The following FOCAD variants were observed in gnomAD, a reference collection of about 807,000 sequenced individuals.
FOCAD encodes KIAA1797.
Under a neutral mutation model 225.6 loss-of-function variants are expected in FOCAD, and 198 were observed. The observed-to-expected ratio is 0.88, with a 90% CI of 0.78 to 0.99. The LOEUF is 0.99. FOCAD is among the 50% of genes least tolerant of loss of function. The probability of loss-of-function intolerance (pLI) is 0.00; values close to 1 mark genes in which losing one functional copy is unlikely to be tolerated. For synonymous variants in FOCAD, 897 were observed against 755.0 expected, an observed-to-expected ratio of 1.19 and a Z score of -3.08; for missense variants, 2,713 against 2,123.6, an observed-to-expected ratio of 1.28 and a Z score of -5.46.
intron 11 of FOCAD, among the ~76,000 whole-genome samples, chr9:20,793,012 T>C (rs1258161651): frequency 6.6e-6 from 1 of 152,178 alleles, no homozygotes; most frequent in Non-Finnish European, 1.5e-5. Flanking sequence ...CAAAGAGTCT[T>C]TGGACACTTT....
At chr9:20,866,888 CTTTTTTTTTTTTTTTT>C (rs10629839) in intron 17 of FOCAD, 25 bp from the exon 18 acceptor site, 123 of 342,048 alleles carry the variant, frequency 3.6e-4, no homozygotes, top group Admixed American at 1.6e-3. Context: ...TGTTTGCTTG[CTTTTTTTTTTTTTTTT>C]TTTTTTTTTT....
At chr9:20,882,855 C>A (rs894715504) in intron 20 of FOCAD, among the ~76,000 whole-genome samples, 4 of 152,078 alleles carry the variant, frequency 2.6e-5, no homozygotes, top group Non-Finnish European at 4.4e-5. Flanking sequence ...TGAGAGCAGA[C>A]CTAAATCTCT....
chr9:20,817,942 C>T (rs1451890198), intron 11 of FOCAD, among the ~76,000 whole-genome samples: 1 of 152,110 alleles, frequency 6.6e-6, no homozygotes, highest in Admixed American at 6.6e-5. Context: ...TCTATGTTTA[C>T]CTATTTAAGA....
At chr9:20,962,001 C>T (rs1838774799) in intron 35 of FOCAD, among the ~76,000 whole-genome samples, 1 of 152,088 alleles carries the variant, frequency 6.6e-6, no homozygotes, top group Non-Finnish European at 1.5e-5. Context: ...TTTCAGGGGG[C>T]TAGGCATCTC....
intron 11 of FOCAD, among the ~76,000 whole-genome samples, chr9:20,807,795 A>G (rs905634887): frequency 1.3e-5 from 2 of 152,188 alleles, no homozygotes; most frequent in African/African-American, 4.8e-5. Context: ...CACGCCTGCA[A>G]TCCCAGCACT....
intron 20 of FOCAD, among the ~76,000 whole-genome samples, chr9:20,882,497 G>A (rs1830760640): frequency 1.3e-5 from 2 of 152,174 alleles, no homozygotes; most frequent in Non-Finnish European, 2.9e-5. Flanking sequence ...GTCTTCTGAT[G>A]CTTAGGAAAC....
intron 1 of FOCAD, among the ~76,000 whole-genome samples, chr9:20,712,205 T>C (rs965203654): frequency 6.6e-6 from 1 of 152,194 alleles, no homozygotes; most frequent in Non-Finnish European, 1.5e-5. Context: ...AACTTAACTG[T>C]CCAAAATGGA....
At chr9:20,865,868 T>G (rs1193043358) in intron 16 of FOCAD, 58 bp from the exon 17 acceptor site, 2 of 1,256,742 alleles carry the variant, frequency 1.6e-6, no homozygotes, top group Admixed American at 2.2e-5. Context: ...TTTGGATTAT[T>G]TAGTCTCAGT....
At chr9:20,803,155 C>G (rs183610893) in intron 11 of FOCAD, among the ~76,000 whole-genome samples, 3 of 152,184 alleles carry the variant, frequency 2.0e-5, no homozygotes, top group East Asian at 3.9e-4. Context: ...AATTATCATT[C>G]AGCTTGAAAT....
chr9:20,949,126 T>A (rs997917692), intron 32 of FOCAD, among the ~76,000 whole-genome samples, 198 bp downstream of exon 32: 2 of 152,198 alleles, frequency 1.3e-5, no homozygotes, highest in African/African-American at 4.8e-5. Context: ...TTGTTCTTTA[T>A]TTAATTTGGT....
chr9:20,821,044 C>T lies in FOCAD; in HGVS notation c.1766C>T (p.Ala589Val), dbSNP rs768658848. The T allele has an allele frequency of 6.2e-7, 1 of 1,612,428 alleles. No homozygotes were observed. The highest frequency in any genetic ancestry group is 1.1e-5 in the South Asian group (1 of 91,032). ...VQWEKLIAKA[A>V]SIRDICKQRP... The stretch of plus-strand genomic sequence containing the variant: ...TGGGAGAAACTGATTGCAAAAGCAG[C>T]ATCAATCAGAGATATATGTAAGCAG... The change falls in exon 14 of 44, where the codon GCA becomes GTA. Residue 589 changes from alanine to valine, a missense_variant. Transcript: ENST00000338382.
chr9:20,839,259 C>CTTTTT (rs71496859), intron 15 of FOCAD, among the ~76,000 whole-genome samples: 10 of 132,774 alleles, frequency 7.5e-5, no homozygotes, highest in East Asian at 2.2e-4. Context: ...TTCTTTCTTT[C>CTTTTT]TTTTTTTTTT....
intron 28 of FOCAD, among the ~76,000 whole-genome samples, chr9:20,939,132 A>C (rs1345675364): frequency 9.1e-6 from 1 of 110,080 alleles, no homozygotes; most frequent in Non-Finnish European, 1.9e-5. Context: ...CCTGGGCGAC[A>C]GAGCGAGACT....
chr9:20,659,253 G>T (rs1010214131), intron 2 of FOCAD, among the ~76,000 whole-genome samples: 8 of 122,138 alleles, frequency 6.5e-5, no homozygotes, highest in African/African-American at 9.6e-5. Context: ...AATTTAAAAA[G>T]AAAGTTAGCC....
chr9:20,766,020 C>G (rs1378287952), intron 7 of FOCAD, among the ~76,000 whole-genome samples: 1 of 152,168 alleles, frequency 6.6e-6, no homozygotes, highest in African/African-American at 2.4e-5. Context: ...AAAATGAATT[C>G]TCCTGTGGCT....
chr9:20,818,788 G>A (rs1373245774), intron 11 of FOCAD, among the ~76,000 whole-genome samples: 1 of 152,034 alleles, frequency 6.6e-6, no homozygotes, highest in South Asian at 2.1e-4. Flanking sequence ...GGTAAATTTG[G>A]AAGTGAGAAG....
chr9:20,868,929 T>C (rs1829524174), intron 18 of FOCAD, among the ~76,000 whole-genome samples: 1 of 152,164 alleles, frequency 6.6e-6, no homozygotes, highest in African/African-American at 2.4e-5. Context: ...CTTCTTTTCA[T>C]TGATTGCTAC....
intron 1 of FOCAD, among the ~76,000 whole-genome samples, chr9:20,710,388 G>T (rs1587292115): frequency 6.6e-6 from 1 of 151,926 alleles, no homozygotes; most frequent in East Asian, 1.9e-4. Context: ...CTGAGGTCAG[G>T]ATTTTGAGAC....
In FOCAD at chr9:20,713,639, G is replaced by A. The variant is rs1586919629; in HGVS notation, c.-32-1683G>A. On this transcript the variant is annotated intron_variant, in intron 1 of 43. Coordinates refer to ENST00000338382, the MANE Select transcript of FOCAD (RefSeq NM_001375567.1). ...AATGCAGAGATTTTTTGCCTATTTTGTTCACTGATATAACTCAAGCACCTA... is the reference window on the plus strand; with the variant it reads ...AATGCAGAGATTTTTTGCCTATTTTATTCACTGATATAACTCAAGCACCTA... Among the ~76,000 whole-genome samples, 2 of 152,166 alleles carry A rather than the reference G, an allele frequency of 1.3e-5. 1 individual carries two copies. The highest frequency in any genetic ancestry group is 4.1e-4 in the South Asian group (2 of 4,830).
Sources: gnomAD v4.1 joint callset for allele counts (sites outside exome capture counted in the v4.1 genomes callset) on GRCh38, gnomAD v4.1.1 for gene constraint, MANE v1.5 for transcripts, NCBI Gene and HGNC (gene_info 2026-07-23, HGNC 2026-07-21) for gene names.